RC3H1: variants seen among roughly 807,000 people sequenced by gnomAD.
RC3H1 encodes roquin-1.
A neutral mutation model predicts 138.2 loss-of-function variants in RC3H1; 50 were observed. The ratio of observed to expected loss-of-function variants is 0.36; its 90% confidence interval spans 0.29 to 0.46. The LOEUF (loss-of-function observed/expected upper bound fraction) is 0.46, where lower values mean the gene tolerates loss of function less well. Ranked by LOEUF, RC3H1 falls within the 20% of genes least tolerant of loss-of-function variation. The pLI is 1.00. For synonymous variants in RC3H1, 462 were observed against 489.1 expected, an observed-to-expected ratio of 0.94 and a Z score of 0.73; for missense variants, 1,031 against 1,388.1, an observed-to-expected ratio of 0.74 and a Z score of 4.09.
In RC3H1 at chr1:173,931,456, T is replaced by G. The variant is rs996477580; in HGVS notation, c.*7265A>C. 6.6e-6 allele frequency: 1 copy of G among 152,202 alleles called. No homozygotes were observed. The highest frequency in any genetic ancestry group is 1.5e-5 in the Non-Finnish European group (1 of 68,034). The allele number at this position is 152,202 out of a possible 1,614,324, so 9.4% of individuals were successfully genotyped here. A position where few individuals can be genotyped will look rare whatever the true frequency, so the allele number is the denominator to read the frequency against. Reference sequence around the variant, plus strand: ...AAAATGGGCATCTTTGATATAAACATGCACACAAATAATACAAAATTGAGA... The same window carrying G: ...AAAATGGGCATCTTTGATATAAACAGGCACACAAATAATACAAAATTGAGA... On this transcript the variant is annotated 3_prime_UTR_variant, in exon 20 of 20. Transcript: ENST00000367696.
At chr1:174,021,832 GTCC>G (rs1170986670) in intron 1 of RC3H1, among the ~76,000 whole-genome samples, 3 of 152,270 alleles carry the variant, frequency 2.0e-5, no homozygotes, top group African/African-American at 4.8e-5. Flanking sequence ...GCCTCCCTTC[GTCC>G]TCCTCTCGGC....
In RC3H1 at chr1:173,978,596, G is replaced by A; in HGVS notation, c.994C>T (p.Gln332Ter). The change falls in exon 7 of 20, where the codon CAG becomes TAG. Residue 332 changes from glutamine to a stop codon, truncating the protein, a stop_gained. Transcript: ENST00000367696. LOFTEE classifies it high-confidence loss of function. Reference protein sequence around the residue: ...DKLQTPASFAQSVQELTIALQ... With the variant: ...DKLQTPASFA ...GCAATTGTTAGTTCCTGAACACTCT[G>A]TGCAAAAGAGGCTGGAGTCTGCAAC... 6.2e-7 allele frequency: 1 copy of A among 1,613,492 alleles called. No individual in the cohort carries two copies. Among genetic ancestry groups the A allele is most frequent in the Non-Finnish European group, 8.5e-7 (1 of 1,179,698 alleles).
In RC3H1 at chr1:173,964,103, T is replaced by G. The variant is rs765123389; in HGVS notation, c.1701A>C (p.Pro567=). The stretch of plus-strand genomic sequence containing the variant: ...TCTGAAGTGGTTTGGTAACAGGCAT[T>G]GGAGGCAGATCTGCTGGCCCCCTTG... ...IPPRGPADLP[P]MPVTKPLQMV... is the part of the protein sequence containing the mutation. The change falls in exon 11 of 20, where the codon CCA becomes CCC. Residue 567 remains proline (P), a synonymous_variant. Transcript: ENST00000367696. 1.2e-6 allele frequency: 2 copies of G among 1,614,026 alleles called. No homozygotes were observed. Among genetic ancestry groups the G allele is most frequent in the African/African-American group, 2.7e-5 (2 of 74,912 alleles).
At chr1:173,958,965 A>G (rs1320590827) in intron 13 of RC3H1, among the ~76,000 whole-genome samples, 1 of 152,128 alleles carries the variant, frequency 6.6e-6, no homozygotes, top group Non-Finnish European at 1.5e-5. Context: ...ATTAGAGAAA[A>G]CCTTCATAAA....
At position 173,933,835 on chromosome 1, in the gene RC3H1, A is replaced by T. The variant is rs549196723; in HGVS notation, c.*4886T>A. ...ATGAAAGTAAAATTTGCTTTAGTTT[A>T]GTAGGTCTAATTTTTCTTAAAAGGA... On this transcript the variant is annotated 3_prime_UTR_variant, in exon 20 of 20. Transcript: ENST00000367696. 18 of 152,314 alleles carry T rather than the reference A, an allele frequency of 1.2e-4. No individual in the cohort carries two copies. The highest frequency in any genetic ancestry group is 1.3e-4 in the Non-Finnish European group (9 of 68,000). The allele number at this position is 152,314 out of a possible 1,614,324, so 9.4% of individuals were successfully genotyped here.
At chr1:173,979,714 C>T (rs527705363) in intron 6 of RC3H1, among the ~76,000 whole-genome samples, 3 of 152,268 alleles carry the variant, frequency 2.0e-5, no homozygotes, top group East Asian at 3.9e-4. Flanking sequence ...AGGTACTCCT[C>T]TAATAGATCA....
rs180870393 is a variant in RC3H1 at position 173,984,824 on chromosome 1, G to A, written c.232-205C>T. 2.3e-3 allele frequency among the ~76,000 whole-genome samples: 351 copies of A among 151,922 alleles called. 2 individuals carry two copies. Among genetic ancestry groups the A allele is most frequent in the South Asian group, 1.9e-3 (9 of 4,814 alleles). On this transcript the variant is annotated intron_variant, in intron 2 of 19. Transcript: ENST00000367696. ...CTAACAGCCTAATTAAGATATAATC[G>A]ACATACCATACAACTGACTGGTTTA...
At position 173,936,539 on chromosome 1, in the gene RC3H1, A is replaced by AT; in HGVS notation, c.*2181_*2182insA. The AT allele has an allele frequency of 6.8e-6, 1 of 146,876 alleles. No individual in the cohort carries two copies. The highest frequency in any genetic ancestry group is 1.5e-5 in the Non-Finnish European group (1 of 66,896). 9.1% of individuals were successfully genotyped at this position (146,876 alleles called of 1,614,324 possible). On this transcript the variant is annotated 3_prime_UTR_variant, in exon 20 of 20. Coordinates refer to ENST00000367696, the MANE Select transcript of RC3H1 (RefSeq NM_172071.4). ...CAAAAAAAAAAAAAAAAAAAAAAAA[A>AT]GAAGGTTGGAGGCCAATAATGTTGC...
intron 19 of RC3H1, among the ~76,000 whole-genome samples, chr1:173,939,997 T>C (rs1658775540): frequency 6.6e-6 from 1 of 152,224 alleles, no homozygotes; most frequent in Admixed American, 6.6e-5. Flanking sequence ...ATTTAAGATA[T>C]GCAAACAAAG....
chr1:173,980,930 T>A lies in RC3H1; in HGVS notation c.848A>T (p.His283Leu), dbSNP rs1396571776. 6.2e-7 allele frequency: 1 copy of A among 1,614,058 alleles called. No homozygotes were observed. The highest frequency in any genetic ancestry group is 8.5e-7 in the Non-Finnish European group (1 of 1,179,928). ...AGCAATCTGCACTATCTGGGAGTCATGTTCTCGCCGCAGAGCTTCATAGGT... is the reference window on the plus strand; with the variant it reads ...AGCAATCTGCACTATCTGGGAGTCAAGTTCTCGCCGCAGAGCTTCATAGGT... The part of the protein sequence containing the change: ...FRTYEALRRE[H>L]DSQIVQIAME... The change falls in exon 6 of 20, where the codon CAT (histidine) becomes CTT (leucine). Residue 283 changes from histidine (H) to leucine (L), a missense_variant. His to Leu is a moderately conservative substitution (Grantham distance 99). Around this residue, in one of 7 missense-constraint regions of RC3H1, gnomAD observed 142 missense variants for 224.6 expected, o/e 0.63. Transcript: ENST00000367696.
Position 173,935,912 on chromosome 1 carries a change from T to G in RC3H1, c.*2809A>C, listed in dbSNP as rs559002369. On this transcript the variant is annotated 3_prime_UTR_variant, in exon 20 of 20. Coordinates refer to ENST00000367696, the MANE Select transcript of RC3H1 (RefSeq NM_172071.4). ...AGATTAGCTCTAGAGTGTAGGACCA[T>G]GGAGGGGTACAGCTTGAATTCAGGT... is the stretch of plus-strand genomic sequence containing the variant. 6.6e-6 allele frequency: 1 copy of G among 152,296 alleles called. No individual in the cohort carries two copies. The highest frequency in any genetic ancestry group is 2.1e-4 in the South Asian group (1 of 4,830). The allele number at this position is 152,296 out of a possible 1,614,324, so 9.4% of individuals were successfully genotyped here. A position where few individuals can be genotyped will look rare whatever the true frequency, so the allele number is the denominator to read the frequency against.
At chr1:174,003,235 A>G (rs1455873246) in intron 1 of RC3H1, among the ~76,000 whole-genome samples, 1 of 152,038 alleles carries the variant, frequency 6.6e-6, no homozygotes, top group Admixed American at 6.5e-5. Context: ...AAAAATGCAA[A>G]AATTAGCCAG....
intron 11 of RC3H1, among the ~76,000 whole-genome samples, chr1:173,963,655 A>G (rs1659973682): frequency 6.6e-6 from 1 of 152,206 alleles, no homozygotes; most frequent in Admixed American, 6.5e-5. Flanking sequence ...AATTTTGGTC[A>G]GGAGAATATA....
At chr1:173,961,367 C>T (rs1659867520) in intron 12 of RC3H1, 123 bp from the exon 13 acceptor site, 2 of 808,590 alleles carry the variant, frequency 2.5e-6, no homozygotes, top group African/African-American at 3.5e-5. Flanking sequence ...CATTTGGAAA[C>T]ACCAACACTT....
At chr1:173,949,753 C>T (rs988015690) in intron 14 of RC3H1, among the ~76,000 whole-genome samples, 1 of 152,112 alleles carries the variant, frequency 6.6e-6, no homozygotes, top group African/African-American at 2.4e-5. Context: ...AGTACCATAC[C>T]TAACAGTGAA....
intron 19 of RC3H1, among the ~76,000 whole-genome samples, chr1:173,939,766 C>T (rs1027952363): frequency 6.6e-6 from 1 of 151,054 alleles, no homozygotes; most frequent in African/African-American, 2.4e-5. Flanking sequence ...ATCCAGGAGG[C>T]GGAAGTTGCA....
chr1:174,007,740 G>A (rs1026303517), intron 1 of RC3H1, among the ~76,000 whole-genome samples: 1 of 152,090 alleles, frequency 6.6e-6, no homozygotes, highest in South Asian at 2.1e-4. Context: ...TGTCAGGTGT[G>A]AGCCACCGCG....
intron 13 of RC3H1, among the ~76,000 whole-genome samples, chr1:173,953,741 T>C (rs1249545813): frequency 6.6e-6 from 1 of 151,856 alleles, no homozygotes; most frequent in Non-Finnish European, 1.5e-5. Context: ...ATGATCCTAT[T>C]AAAAAATAAT....
intron 17 of RC3H1, among the ~76,000 whole-genome samples, chr1:173,945,199 C>A (rs1412408922): frequency 6.6e-6 from 1 of 151,126 alleles, no homozygotes; most frequent in African/African-American, 2.4e-5. Context: ...TCAGGGCTCA[C>A]TGCAGCCTCA....
Sources: gnomAD v4.1 joint callset for allele counts (sites outside exome capture counted in the v4.1 genomes callset) on GRCh38, gnomAD v4.1.1 for gene constraint, gnomAD v4.1.1 regional missense constraint, MANE v1.5 for transcripts, NCBI Gene and HGNC (gene_info 2026-07-23, HGNC 2026-07-21) for gene names.